Variants in RPS6KC1 observed in about 807,000 individuals in gnomAD.
RPS6KC1 encodes ribosomal protein S6 kinase C1.
In RPS6KC1, 54 loss-of-function variants were observed where a neutral mutation model predicts 103.8. The observed-to-expected ratio is 0.52, with a 90% CI of 0.42 to 0.65. The LOEUF is 0.65. Among genes scored for constraint, RPS6KC1 ranks in the 30% least tolerant of loss-of-function variants. RPS6KC1 has a pLI of 0.00. For synonymous variants in RPS6KC1, 439 were observed against 438.7 expected (o/e 1.00, Z -0.01); for missense variants, 1,151 against 1,253.8 (o/e 0.92, Z 1.24).
At chr1:213,686,727 TC>T in the RPS6KC1 span, among the ~76,000 whole-genome samples, 5 of 152,172 alleles carry the variant, frequency 3.3e-5, no homozygotes, top group Admixed American at 3.3e-4. Flanking sequence ...AAGAAAGAAT[TC>T]GGGGCAAGTT....
chr1:213,319,312 C>CAAA, the RPS6KC1 span, among the ~76,000 whole-genome samples: 670 of 89,856 alleles, frequency 7.5e-3, 29 homozygotes, highest in East Asian at 0.022. Context: ...GACTCTGTCT[C>CAAA]AAAAAAAAAA....
chr1:213,774,135 G>T, the RPS6KC1 span, among the ~76,000 whole-genome samples: 1 of 152,152 alleles, frequency 6.6e-6, no homozygotes, highest in Non-Finnish European at 1.5e-5. Context: ...TGCCCTGTTT[G>T]GGGGGCATGA....
chr1:213,505,234 G>A, the RPS6KC1 span, among the ~76,000 whole-genome samples: 335 of 152,148 alleles, frequency 2.2e-3, 2 homozygotes, highest in South Asian at 9.4e-3. Context: ...CAGTTTCAGG[G>A]AGAAAAAAAG....
At chr1:213,705,619 G>A in the RPS6KC1 span, among the ~76,000 whole-genome samples, 3 of 152,334 alleles carry the variant, frequency 2.0e-5, no homozygotes, top group Non-Finnish European at 2.9e-5. Flanking sequence ...TACATAGAAC[G>A]TAAAACAAAG....
the RPS6KC1 span, among the ~76,000 whole-genome samples, chr1:213,327,095 CTTG>C: frequency 6.7e-6 from 1 of 148,336 alleles, no homozygotes; most frequent in African/African-American, 2.5e-5. Context: ...GAATTAAACC[CTTG>C]TTGTCCAACT....
the RPS6KC1 span, among the ~76,000 whole-genome samples, chr1:213,662,004 A>G: frequency 6.6e-6 from 1 of 152,206 alleles, no homozygotes. Context: ...CTGGAACTGG[A>G]CTGAAATTTC....
At chr1:213,397,588 T>TACACACAC in the RPS6KC1 span, among the ~76,000 whole-genome samples, 3,406 of 140,412 alleles carry the variant, frequency 0.024, 56 homozygotes, top group Middle Eastern at 0.043. Flanking sequence ...CAGGAACACA[T>TACACACAC]ACACACACAC....
chr1:213,848,771 T>C, the RPS6KC1 span, among the ~76,000 whole-genome samples: 1 of 152,014 alleles, frequency 6.6e-6, no homozygotes, highest in African/African-American at 2.4e-5. Flanking sequence ...TTCTTTTTGA[T>C]TTTTTTTATA....
chr1:213,823,582 A>G, the RPS6KC1 span, among the ~76,000 whole-genome samples: 1 of 152,094 alleles, frequency 6.6e-6, no homozygotes, highest in Non-Finnish European at 1.5e-5. Context: ...ACTTCCTTAT[A>G]TATGGTAACC....
chr1:213,532,152 C>T, the RPS6KC1 span, among the ~76,000 whole-genome samples: 8 of 152,292 alleles, frequency 5.3e-5, no homozygotes, highest in East Asian at 1.5e-3. Flanking sequence ...CACATTGTTG[C>T]CTGGCACCTC....
chr1:213,112,877 C>G (rs1222168322), intron 4 of RPS6KC1, among the ~76,000 whole-genome samples: 1 of 152,138 alleles, frequency 6.6e-6, no homozygotes, highest in Non-Finnish European at 1.5e-5. Flanking sequence ...ATCCGTGTCC[C>G]TACAAAGGAC....
At chr1:213,545,371 CAAATAAAT>C in the RPS6KC1 span, among the ~76,000 whole-genome samples, 556 of 119,642 alleles carry the variant, frequency 4.6e-3, 5 homozygotes, top group South Asian at 0.011. Flanking sequence ...AACTCTGTCT[CAAATAAAT>C]AAATAAATAA....
the RPS6KC1 span, among the ~76,000 whole-genome samples, chr1:213,536,161 GT>G: frequency 6.6e-6 from 1 of 152,148 alleles, no homozygotes; most frequent in African/African-American, 2.4e-5. Context: ...CAAGTTCAGG[GT>G]TATAAAAAAT....
chr1:213,583,898 A>G, the RPS6KC1 span, among the ~76,000 whole-genome samples: 1 of 151,758 alleles, frequency 6.6e-6, no homozygotes, highest in Non-Finnish European at 1.5e-5. Context: ...CATCCCCCAG[A>G]GTATCTGATT....
the RPS6KC1 span, among the ~76,000 whole-genome samples, chr1:213,669,881 A>G: frequency 6.6e-6 from 1 of 151,918 alleles, no homozygotes; most frequent in Non-Finnish European, 1.5e-5. Flanking sequence ...CTGAAACCCT[A>G]TAAGGTTCAC....
chr1:213,209,675 A>G (rs1018192049), intron 8 of RPS6KC1, among the ~76,000 whole-genome samples: 7 of 148,988 alleles, frequency 4.7e-5, no homozygotes, highest in Non-Finnish European at 1.0e-4. Context: ...TGTCTGGGCA[A>G]CAAGAGCAAA....
chr1:213,834,369 G>A, the RPS6KC1 span, among the ~76,000 whole-genome samples: 3 of 152,122 alleles, frequency 2.0e-5, no homozygotes, highest in Admixed American at 2.0e-4. Context: ...ACAATGCTGG[G>A]ACAAGTAGAG....
intron 8 of RPS6KC1, among the ~76,000 whole-genome samples, chr1:213,203,876 T>C (rs913675859): frequency 1.3e-5 from 2 of 152,252 alleles, no homozygotes; most frequent in African/African-American, 4.8e-5. Context: ...AGCTTTTACC[T>C]GTTAATTAGC....
At chr1:213,384,002 C>T in the RPS6KC1 span, among the ~76,000 whole-genome samples, 1 of 152,088 alleles carries the variant, frequency 6.6e-6, no homozygotes, top group Non-Finnish European at 1.5e-5. Context: ...CTTGACCAGG[C>T]GTGGTGGCTC....
Sources: allele counts gnomAD v4.1 joint callset (sites outside exome capture counted in the v4.1 genomes callset), GRCh38; gene constraint gnomAD v4.1.1; transcripts MANE v1.5; gene names NCBI Gene and HGNC (gene_info 2026-07-23, HGNC 2026-07-21).